Variants in GOLGA3 observed in about 807,000 individuals in gnomAD.
GOLGA3 encodes golgin subfamily A member 3.
In GOLGA3, 75 loss-of-function variants were observed where a neutral mutation model predicts 169.4. That is an observed-to-expected ratio of 0.44 (90% CI 0.37 to 0.54). The LOEUF (loss-of-function observed/expected upper bound fraction) is 0.54, where lower values mean the gene tolerates loss of function less well. GOLGA3 is among the 20% of genes least tolerant of loss of function. GOLGA3 has a pLI of 0.00. For synonymous variants in GOLGA3, 824 were observed against 822.4 expected (o/e 1.00, Z -0.03); for missense variants, 1,899 against 1,930.0 (o/e 0.98, Z 0.30).
chr12:132,798,451 G>A lies in GOLGA3; in HGVS notation c.1827C>T (p.Leu609=), dbSNP rs762140614. The part of the protein sequence containing the change: ...IQVGQMTQAG[L]LEHLKLENVS... ...CATTCTCGAGTTTCAGGTGCTCCAG[G>A]AGACCTGCCTGGGTCATCTGTCCAA... The change falls in exon 9 of 24, where the codon CTC becomes CTT. Residue 609 remains leucine (L), a synonymous_variant. Transcript: ENST00000450791. 2.5e-6 allele frequency: 4 copies of A among 1,612,700 alleles called. No homozygotes were observed. In the Admixed American group the frequency reaches 5.0e-5, roughly 20 times the overall value.
At chr12:132,794,892 T>C (rs968494337) in intron 11 of GOLGA3, among the ~76,000 whole-genome samples, 1 of 152,112 alleles carries the variant, frequency 6.6e-6, no homozygotes, top group Admixed American at 6.6e-5. Context: ...TTGATCCTTA[T>C]AGAGTGGGAT....
chr12:132,790,923 C>T (rs970384189), intron 12 of GOLGA3, among the ~76,000 whole-genome samples: 1 of 147,794 alleles, frequency 6.8e-6, no homozygotes, highest in Admixed American at 6.7e-5. Flanking sequence ...TGGTGGAGGG[C>T]GCCTGTAGTC....
At position 132,773,293 on chromosome 12, in the gene GOLGA3, G is replaced by A; in HGVS notation, c.4309C>T (p.Gln1437Ter). The change falls in exon 24 of 24, where the codon CAG becomes TAG. Residue 1437 changes from glutamine to a stop codon, truncating the protein, a stop_gained and splice_region_variant. Transcript: ENST00000450791. LOFTEE classifies it low-confidence loss of function (END_TRUNC). Reference sequence around the variant, plus strand: ...TGGCGCTGCAGGCTGTCCATCTCCTGCCTGGGACAGAAGAAGGAGGAAGAA... The same window carrying A: ...TGGCGCTGCAGGCTGTCCATCTCCTACCTGGGACAGAAGAAGGAGGAAGAA... ...NLNSCLQQLK[Q>*]EMDSLQRQME... The A allele has an allele frequency of 1.4e-6, 2 of 1,400,304 alleles. No homozygotes were observed. The highest frequency in any genetic ancestry group is 1.5e-5 in the South Asian group (1 of 65,606). 86.7% of individuals were successfully genotyped at this position (1,400,304 alleles called of 1,614,324 possible).
At position 132,804,367 on chromosome 12, in the gene GOLGA3, C is replaced by T. The variant is rs1172905842; in HGVS notation, c.1597+349G>A. ...TAATTCATTCCCCTGGATGTGCACA[C>T]AAAAATGTACACAATTCCACAAGTT... On this transcript the variant is annotated intron_variant, in intron 7 of 23. Coordinates refer to ENST00000450791, the MANE Select transcript of GOLGA3 (RefSeq NM_001389683.1). The surrounding 1 kb of genome is among the most constrained non-coding windows in gnomAD (Gnocchi z 4.1). 6.6e-6 allele frequency among the ~76,000 whole-genome samples: 1 copy of T among 152,228 alleles called. No homozygotes were observed. Among genetic ancestry groups the T allele is most frequent in the African/African-American group, 2.4e-5 (1 of 41,456 alleles).
intron 10 of GOLGA3, 72 bp downstream of exon 10, chr12:132,796,467 C>T: frequency 4.0e-6 from 6 of 1,498,992 alleles, no homozygotes; most frequent in South Asian, 1.3e-5. Context: ...TGCTCGGTCT[C>T]CTTGTGTGCA....
Position 132,816,760 on chromosome 12 carries a change from G to C in GOLGA3, c.186C>G (p.Gly62=), listed in dbSNP as rs748064883. The change falls in exon 3 of 24, where the codon GGC becomes GGG. Residue 62 remains glycine (G), a synonymous_variant. Coordinates refer to ENST00000450791, the MANE Select transcript of GOLGA3 (RefSeq NM_001389683.1). ...GCCCGTTCTGACAGAGGCCTCCCTG[G>C]CCAGGTCCATCCGGGCTTTCCCCTT... ...STEGESPDGP[G]QGGLCQNGPT... 1.9e-5 allele frequency: 30 copies of C among 1,612,072 alleles called. No individual in the cohort carries two copies. In the East Asian group the frequency reaches 6.5e-4, roughly 35 times the overall value.
chr12:132,826,262 A>C, intron 1 of GOLGA3: 3 of 1,192,054 alleles, frequency 2.5e-6, no homozygotes, highest in South Asian at 1.6e-5. Flanking sequence ...AAAAAAAGAA[A>C]CTGGAAGAGC....
chr12:132,800,167 G>A (rs1256338201), intron 8 of GOLGA3, among the ~76,000 whole-genome samples: 1 of 152,180 alleles, frequency 6.6e-6, no homozygotes, highest in Non-Finnish European at 1.5e-5. Flanking sequence ...GTTGTAAGTA[G>A]AACAAATGCT....
chr12:132,808,137 T>G lies in GOLGA3; in HGVS notation c.932A>C (p.Asp311Ala). The G allele has an allele frequency of 4.3e-6, 7 of 1,609,422 alleles. No individual in the cohort carries two copies. Among genetic ancestry groups the G allele is most frequent in the Non-Finnish European group, 5.9e-6 (7 of 1,176,902 alleles). ...CGATGAGCTGTCGCTGTCATTTCCA[T>G]CCACCTCAGACACGCTGTCTCCAGC... is the stretch of plus-strand genomic sequence containing the variant. ...SLAGDSVSEV[D>A]GNDSDSSSYS... is the part of the protein sequence containing the mutation. The change falls in exon 5 of 24, where the codon GAT (aspartate) becomes GCT (alanine). Residue 311 changes from aspartate to alanine, a missense_variant. Coordinates refer to ENST00000450791, the MANE Select transcript of GOLGA3 (RefSeq NM_001389683.1).
chr12:132,795,723 T>G (rs1948794613), intron 11 of GOLGA3, 129 bp downstream of exon 11: 1 of 1,016,172 alleles, frequency 9.8e-7, no homozygotes, highest in African/African-American at 1.6e-5. Context: ...ATCATCCCAC[T>G]GCACTCCAGC....
chr12:132,796,000 T>G lies in GOLGA3; in HGVS notation c.2321A>C (p.Glu774Ala). Residue 774 changes from glutamate to alanine, a missense_variant, in exon 11 of 24, where the codon GAG becomes GCG. Physicochemically the swap from Glu to Ala is moderately radical, Grantham distance 107. Coordinates refer to ENST00000450791, the MANE Select transcript of GOLGA3 (RefSeq NM_001389683.1). ...REDTICLLQN[E>A]KIILEAALQA... is the part of the protein sequence containing the mutation. ...CAAAGCCGCCTCCAAGATGATCTTCTCGTTCTGCAGGAGGCAGATCGTGTC... is the reference window on the plus strand; with the variant it reads ...CAAAGCCGCCTCCAAGATGATCTTCGCGTTCTGCAGGAGGCAGATCGTGTC... 6.2e-7 allele frequency: 1 copy of G among 1,613,506 alleles called. No homozygotes were observed. The highest frequency in any genetic ancestry group is 8.5e-7 in the Non-Finnish European group (1 of 1,180,034).
At chr12:132,774,104 G>A in intron 23 of GOLGA3, 53 bp downstream of exon 23, 1 of 1,494,176 alleles carries the variant, frequency 6.7e-7, no homozygotes, top group Non-Finnish European at 9.0e-7. Flanking sequence ...TCCCAGGTAA[G>A]AGGGCATTAA....
rs754925333 is a variant in GOLGA3 at position 132,789,188 on chromosome 12, G to GCAGCTCCTT, written c.2641_2649dup (p.Lys881_Leu883dup). 2 of 1,611,608 alleles carry GCAGCTCCTT rather than the reference G, an allele frequency of 1.2e-6. No homozygotes were observed. Among genetic ancestry groups the GCAGCTCCTT allele is most frequent in the Admixed American group, 3.3e-5 (2 of 60,012 alleles). ...CCGTGCACTTGCATCAGCTCCTGCCGCAGCTCCTTCAGCTCCGAGTCCAGC... is the reference window on the plus strand; with the variant it reads ...CCGTGCACTTGCATCAGCTCCTGCCGCAGCTCCTTCAGCTCCTTCAGCTCCGAGTCCAGC... On this transcript the variant is annotated inframe_insertion, in exon 13 of 24. Transcript: ENST00000450791.
At chr12:132,811,319 G>A (rs886090624) in intron 4 of GOLGA3, among the ~76,000 whole-genome samples, 6 of 151,942 alleles carry the variant, frequency 3.9e-5, no homozygotes, top group East Asian at 3.9e-4. Flanking sequence ...CTACATGCAC[G>A]CCCCTCAACA....
intron 2 of GOLGA3, among the ~76,000 whole-genome samples, chr12:132,821,061 C>A (rs1483549115): frequency 2.2e-5 from 3 of 136,892 alleles, no homozygotes; most frequent in East Asian, 4.2e-4. Context: ...GATGGTGCCA[C>A]TGCACTCCAG....
rs938869375 is a variant in GOLGA3, at chr12:132,769,372, C to G, written c.*3733G>C. ...TTTTAAAGACCTCAGGGAACTAGAA[C>G]TCGGTTGTGGGAACCCTGCACCAAG... On this transcript the variant is annotated 3_prime_UTR_variant, in exon 24 of 24. Coordinates refer to ENST00000450791, the MANE Select transcript of GOLGA3 (RefSeq NM_001389683.1). 6.6e-6 allele frequency: 1 copy of G among 152,246 alleles called. No homozygotes were observed. The highest frequency in any genetic ancestry group is 1.5e-5 in the Non-Finnish European group (1 of 68,058). The allele number at this position is 152,246 out of a possible 1,614,324, so 9.4% of individuals were successfully genotyped here.
chr12:132,805,121 CAG>C (rs1566118062), intron 6 of GOLGA3, 99 bp from the exon 7 acceptor site: 5 of 1,348,634 alleles, frequency 3.7e-6, no homozygotes, highest in African/African-American at 2.9e-5. Context: ...CAGGGCCTGA[CAG>C]GGGACCCCGA....
rs2046094297 is a variant in GOLGA3, at chr12:132,789,247, T to A, written c.2591A>T (p.Gln864Leu). The A allele has an allele frequency of 6.2e-7, 1 of 1,607,364 alleles. No individual in the cohort carries two copies. Residue 864 changes from glutamine to leucine, a missense_variant, in exon 13 of 24, where the codon CAG (glutamine) becomes CTG (leucine). Coordinates refer to ENST00000450791, the MANE Select transcript of GOLGA3 (RefSeq NM_001389683.1). ...GGTGGCTTTCAGCTCACTGATGAGC[T>A]GGTCTTTGGAGGTGGCGTCGCGCCG... ...AYRRDATSKD[Q>L]LISELKATRK...
rs1844775917 is a variant in GOLGA3 at position 132,821,814 on chromosome 12, A to C, written c.133+182T>G. 2.9e-5 allele frequency among the ~76,000 whole-genome samples: 4 copies of C among 140,254 alleles called. No homozygotes were observed. The South Asian group carries it at 9.9e-4, about 35-fold the overall frequency. The allele number at this position is 140,254 out of a possible 152,430, so 92.0% of individuals were successfully genotyped here. ...GCTTGCAGCGAGCCGAGATCACGCC[A>C]CTGCAGTCCAGCCTGGGCGAAAGAG... is the stretch of plus-strand genomic sequence containing the variant. On this transcript the variant is annotated intron_variant, in intron 2 of 23. Transcript: ENST00000450791.
Sources: allele counts gnomAD v4.1 joint callset (sites outside exome capture counted in the v4.1 genomes callset), GRCh38; gene constraint gnomAD v4.1.1; non-coding constraint Gnocchi (gnomAD v3.1); transcripts MANE v1.5; gene names NCBI Gene and HGNC (gene_info 2026-07-23, HGNC 2026-07-21).